POLE: variants seen among roughly 807,000 people sequenced by gnomAD.
POLE encodes the protein DNA polymerase epsilon catalytic subunit A.
Under a neutral mutation model 279.2 loss-of-function variants are expected in POLE, and 188 were observed. That is an observed-to-expected ratio of 0.67 (90% CI 0.60 to 0.76). POLE has a LOEUF of 0.76. POLE is among the 30% of genes least tolerant of loss of function. POLE has a pLI of 0.00. For synonymous variants in POLE, 1,214 were observed against 1,172.5 expected, an observed-to-expected ratio of 1.04 and a Z score of -0.72; for missense variants, 2,703 against 3,016.7, an observed-to-expected ratio of 0.90 and a Z score of 2.44.
intron 5 of POLE, 142 bp from the exon 6 acceptor site, chr12:132,679,793 C>T: frequency 2.9e-6 from 3 of 1,027,900 alleles, no homozygotes; most frequent in Non-Finnish European, 4.3e-6. Context: ...GTGGCACCAA[C>T]TAACACCACT....
At chr12:132,654,055 T>A (rs1287236900) in intron 29 of POLE, among the ~76,000 whole-genome samples, 1 of 152,236 alleles carries the variant, frequency 6.6e-6, no homozygotes, top group East Asian at 1.9e-4. Flanking sequence ...ATTGTTCATG[T>A]ATGTTGATAT....
chr12:132,625,505 C>A, intron 47 of POLE, 140 bp downstream of exon 47: 1 of 1,038,466 alleles, frequency 9.6e-7, no homozygotes, highest in Non-Finnish European at 1.5e-6. Flanking sequence ...AGGCTCAGGG[C>A]ATGGACTGGT....
intron 25 of POLE, chr12:132,660,300 C>G (rs187390046): frequency 6.5e-6 from 1 of 152,774 alleles, no homozygotes; most frequent in Admixed American, 6.5e-5. Context: ...CATGAATATT[C>G]TGTGTGATAC....
Position 132,649,385 on chromosome 12 carries a change from T to C in POLE, c.3926A>G (p.Asp1309Gly), listed in dbSNP as rs776828609. 10 of 1,613,170 alleles carry C rather than the reference T, an allele frequency of 6.2e-6. No homozygotes were observed. The African/African-American group carries it at 1.3e-4, about 22-fold the overall frequency. ...EGVLRPGAIR[D>G]GPATGLGSFL... ...GCTCCCCAGCCCCGTGGCAGGACCA[T>C]CCCGGATGGCCCCGGGCCTGAGCAC... The change falls in exon 31 of 49, where the codon GAT becomes GGT. Residue 1309 changes from aspartate to glycine, a missense_variant. By Grantham distance (94) the Asp-to-Gly change is moderately conservative (BLOSUM62 -1). Coordinates refer to ENST00000320574, the MANE Select transcript of POLE (RefSeq NM_006231.4).
chr12:132,677,588 T>C lies in POLE; in HGVS notation c.710A>G (p.Lys237Arg), dbSNP rs879762286. Residue 237 changes from lysine (K) to arginine (R), a missense_variant, in exon 7 of 49, where the codon AAG (lysine) becomes AGG (arginine). This residue lies in a region of POLE where 1,011 missense variants were observed against 1,111.7 expected (regional missense o/e 0.91). Transcript: ENST00000320574. ...PYHIRLSIDL[K>R]IHVAHWYNVR... is the part of the protein sequence containing the mutation. The stretch of plus-strand genomic sequence containing the variant: ...CCCTGCCCCACTCACCACGTGGATC[T>C]TCAGGTCAATGGAGAGGCGGATGTG... The C allele has an allele frequency of 4.3e-6, 7 of 1,614,220 alleles. No homozygotes were observed. Among genetic ancestry groups the C allele is most frequent in the Non-Finnish European group, 5.9e-6 (7 of 1,180,036 alleles).
At chr12:132,660,135 G>C (rs1013350282) in intron 25 of POLE, 1 of 155,990 alleles carries the variant, frequency 6.4e-6, no homozygotes, top group African/African-American at 2.4e-5. Flanking sequence ...GGAAGAGCCA[G>C]AAGAGAGGAA....
rs768655308 is a variant in POLE at position 132,661,172 on chromosome 12, A to G, written c.2865-8T>C. The G allele has an allele frequency of 2.2e-5, 35 of 1,582,030 alleles. No homozygotes were observed. The East Asian group carries it at 7.8e-4, about 35-fold the overall frequency. ...TCATTGAACACAGCATACCTGAAAA[A>G]AAAAAAAAAGGCAAGCACAGCAGTG... On this transcript the variant is annotated splice_polypyrimidine_tract_variant and splice_region_variant and intron_variant, in intron 24 of 48. Transcript: ENST00000320574. The surrounding 1 kb of genome is among the most constrained non-coding windows in gnomAD (Gnocchi z 4.1).
rs760588718 is a variant in POLE at position 132,679,498 on chromosome 12, T to C, written c.577A>G (p.Ser193Gly). ...TTTGCTCACAAGACCAAAGTTTACC[T>C]GGAAAGCAGAGCTGTGTACGCGTCG... ...ASDAYTALLS[S>G]VLQRGGVITD... Residue 193 changes from serine (S) to glycine (G), a missense_variant and splice_region_variant, in exon 6 of 49, where the codon AGT becomes GGT. Physicochemically the swap from Ser to Gly is moderately conservative, Grantham distance 56 (BLOSUM62 0). Transcript: ENST00000320574. The C allele has an allele frequency of 6.9e-6, 11 of 1,599,800 alleles. No individual in the cohort carries two copies. The highest frequency in any genetic ancestry group is 1.7e-5 in the Admixed American group (1 of 59,600).
chr12:132,668,958 T>C lies in POLE; in HGVS notation c.1795-19A>G. 6.2e-7 allele frequency: 1 copy of C among 1,611,260 alleles called. No individual in the cohort carries two copies. The highest frequency in any genetic ancestry group is 8.5e-7 in the Non-Finnish European group (1 of 1,177,990). On this transcript the variant is annotated intron_variant, in intron 16 of 48. Transcript: ENST00000320574. The surrounding 1 kb of genome is among the most constrained non-coding windows in gnomAD (Gnocchi z 4.0). ...CACACACCTGCAGAGAAAGCGAAAC[T>C]CAGTAGAGGCTGGTGACCAAGCTTG... is the stretch of plus-strand genomic sequence containing the variant.
chr12:132,634,019 A>G lies in POLE; in HGVS notation c.6004+167T>C, dbSNP rs759372808. On this transcript the variant is annotated intron_variant, in intron 43 of 48. Transcript: ENST00000320574. This position sits in a 1 kb window ranked among gnomAD's most constrained non-coding sequence, Gnocchi z 4.0. ...GGGCCCTCCAGTGGAACATGCCTGG[A>G]GCCTGGAGAGGAGGCCCCTCGGCTC... 6.2e-6 allele frequency: 4 copies of G among 640,026 alleles called. No individual in the cohort carries two copies. Among genetic ancestry groups the G allele is most frequent in the Non-Finnish European group, 5.5e-6 (2 of 365,812 alleles). The allele number at this position is 640,026 out of a possible 1,614,324, so 39.6% of individuals were successfully genotyped here. A position where few individuals can be genotyped will look rare whatever the true frequency, so the allele number is the denominator to read the frequency against.
chr12:132,678,759 C>A (rs59032267), intron 6 of POLE, among the ~76,000 whole-genome samples: 8,546 of 152,192 alleles, frequency 0.056, 325 homozygotes, highest in Non-Finnish European at 0.082. Context: ...AAGAAGTGGC[C>A]CACCATTGCG....
At chr12:132,626,974 G>C (rs1403508095) in intron 45 of POLE, among the ~76,000 whole-genome samples, 1 of 152,178 alleles carries the variant, frequency 6.6e-6, no homozygotes, top group Non-Finnish European at 1.5e-5. Flanking sequence ...GCTCACGCTT[G>C]TTTTCTCAGT....
intron 20 of POLE, among the ~76,000 whole-genome samples, chr12:132,665,704 C>T (rs769071819): frequency 6.6e-6 from 1 of 152,116 alleles, no homozygotes; most frequent in Admixed American, 6.5e-5. Context: ...ACATCCTAAA[C>T]GCTTCAGCAC....
At chr12:132,669,630 T>G (rs983987092) in intron 16 of POLE, among the ~76,000 whole-genome samples, 1 of 152,120 alleles carries the variant, frequency 6.6e-6, no homozygotes, top group Non-Finnish European at 1.5e-5. Flanking sequence ...GAATTACAGA[T>G]AAACGAATCA....
intron 16 of POLE, among the ~76,000 whole-genome samples, chr12:132,669,506 A>G (rs1342637906): frequency 1.3e-5 from 2 of 152,188 alleles, no homozygotes; most frequent in African/African-American, 4.8e-5. Flanking sequence ...AACCCTCCAA[A>G]GTAGTAAAAA....
At chr12:132,648,827 A>G in intron 32 of POLE, 102 bp downstream of exon 32, 1 of 1,246,210 alleles carries the variant, frequency 8.0e-7, no homozygotes, top group Non-Finnish European at 1.1e-6. Flanking sequence ...GAACATCCCC[A>G]TAAGGTACTG....
intron 27 of POLE, 85 bp from the exon 28 acceptor site, chr12:132,657,514 C>T (rs1455633988): frequency 5.4e-6 from 6 of 1,102,712 alleles, no homozygotes; most frequent in East Asian, 2.5e-5. Context: ...ACAGGGCTAA[C>T]CACTGTGTCT....
At chr12:132,671,678 G>GAAA (rs59237637) in intron 16 of POLE, among the ~76,000 whole-genome samples, 17 of 72,538 alleles carry the variant, frequency 2.3e-4, no homozygotes, top group Admixed American at 3.8e-4. Context: ...CTCAAAAAGG[G>GAAA]AAAAAAAAAA....
chr12:132,648,046 G>A (rs192410732), intron 32 of POLE, among the ~76,000 whole-genome samples: 2 of 152,332 alleles, frequency 1.3e-5, no homozygotes, highest in Admixed American at 6.5e-5. Flanking sequence ...GTGATTCACA[G>A]CATCCAGTCA....
Sources: gnomAD v4.1 joint callset for allele counts (sites outside exome capture counted in the v4.1 genomes callset) on GRCh38, gnomAD v4.1.1 for gene constraint, gnomAD v4.1.1 regional missense constraint, Gnocchi (gnomAD v3.1) non-coding constraint, MANE v1.5 for transcripts, NCBI Gene and HGNC (gene_info 2026-07-23, HGNC 2026-07-21) for gene names.